Variants in HYAL4 observed in about 807,000 individuals in gnomAD.
The protein encoded by HYAL4 is hyaluronidase-4.
A neutral mutation model predicts 35.2 loss-of-function variants in HYAL4; 37 were observed. The observed-to-expected ratio is 1.05, with a 90% confidence interval of 0.81 to 1.38. The LOEUF is 1.38. HYAL4 is among the 40% of genes most tolerant of loss of function. The pLI is 0.00. For synonymous variants in HYAL4, 198 were observed against 203.2 expected (o/e 0.97, Z 0.22); for missense variants, 572 against 572.4 (o/e 1.00, Z 0.01).
At chr7:123,840,562 A>C (rs1206943339), upstream of HYAL4, among the ~76,000 whole-genome samples, 1 of 152,012 alleles carries the variant, frequency 6.6e-6, no homozygotes, top group Admixed American at 6.6e-5. Flanking sequence ...CATTGAATCT[A>C]TAAATTACTT....
At position 123,876,869 on chromosome 7, in the gene HYAL4, G is replaced by T; in HGVS notation, c.1160G>T (p.Cys387Phe). ...CACCTCTGCAGGAACAATGGCAGGT[G>T]CATAAGGAAGATGTGGAACGCGCCC... ...SLHLCRNNGR[C>F]IRKMWNAPSY... The change falls in exon 5 of 5, where the codon TGC becomes TTC. Residue 387 changes from cysteine to phenylalanine, a missense_variant. Transcript: ENST00000223026. 1 of 1,614,186 alleles carries T rather than the reference G, an allele frequency of 6.2e-7. No homozygotes were observed. The highest frequency in any genetic ancestry group is 8.5e-7 in the Non-Finnish European group (1 of 1,180,036).
At chr7:123,813,011 G>C in the HYAL4 span, among the ~76,000 whole-genome samples, 63 of 152,156 alleles carry the variant, frequency 4.1e-4, no homozygotes, top group African/African-American at 1.4e-3. Flanking sequence ...TAAAAATTCA[G>C]TGTACAGAGA....
chr7:123,824,232 A>C (rs1230372800), upstream of HYAL4, among the ~76,000 whole-genome samples: 3 of 152,182 alleles, frequency 2.0e-5, no homozygotes, highest in Admixed American at 6.5e-5. Context: ...CACTATTGAT[A>C]TATATAAAGC....
upstream of HYAL4, among the ~76,000 whole-genome samples, chr7:123,828,516 C>T (rs1366688792): frequency 6.6e-6 from 1 of 151,060 alleles, no homozygotes. Context: ...GTTATCTCTT[C>T]AGAGGTAGGG....
At chr7:123,782,685 A>T in the HYAL4 span, among the ~76,000 whole-genome samples, 1 of 151,644 alleles carries the variant, frequency 6.6e-6, no homozygotes, top group Non-Finnish European at 1.5e-5. Context: ...CTTTCATAAG[A>T]TCCTCATTGA....
At chr7:123,837,149 T>C (rs1277443293) in intron 1 of HYAL4, among the ~76,000 whole-genome samples, 2 of 152,240 alleles carry the variant, frequency 1.3e-5, no homozygotes, top group Admixed American at 1.3e-4. Context: ...AGACTATCTT[T>C]CCTTCATTTG....
At chr7:123,818,467 C>T in the HYAL4 span, among the ~76,000 whole-genome samples, 11 of 152,148 alleles carry the variant, frequency 7.2e-5, no homozygotes, top group Non-Finnish European at 1.6e-4. Flanking sequence ...GTTAAGGAAG[C>T]CTTCCCAGAC....
chr7:123,776,219 T>A, the HYAL4 span, among the ~76,000 whole-genome samples: 10,059 of 152,236 alleles, frequency 0.066, 423 homozygotes, highest in East Asian at 0.11. Context: ...AGGATAAGCC[T>A]AAGAAGAGCG....
the HYAL4 span, among the ~76,000 whole-genome samples, chr7:123,804,180 C>T: frequency 6.6e-6 from 1 of 152,158 alleles, no homozygotes; most frequent in African/African-American, 2.4e-5. Flanking sequence ...TAGCAAATGG[C>T]ATATATAGTG....
the HYAL4 span, among the ~76,000 whole-genome samples, chr7:123,804,400 A>C: frequency 1.6e-3 from 248 of 152,316 alleles, 2 homozygotes; most frequent in South Asian, 4.6e-3. Flanking sequence ...GGGAGGGAAA[A>C]GATTCTCATT....
At chr7:123,797,007 T>G in the HYAL4 span, among the ~76,000 whole-genome samples, 5 of 152,244 alleles carry the variant, frequency 3.3e-5, no homozygotes, top group Non-Finnish European at 7.3e-5. Context: ...GAGTCTGTGC[T>G]CTCAATTTCT....
chr7:123,830,838 C>T (rs770923922), intron 1 of HYAL4, among the ~76,000 whole-genome samples: 2 of 151,958 alleles, frequency 1.3e-5, no homozygotes, highest in Non-Finnish European at 2.9e-5. Flanking sequence ...AGCTAATTTT[C>T]ACTGTTCAGT....
intron 2 of HYAL4, among the ~76,000 whole-genome samples, chr7:123,854,796 G>A (rs1806393419): frequency 6.6e-6 from 1 of 152,102 alleles, no homozygotes; most frequent in Admixed American, 6.6e-5. Flanking sequence ...CTGTCTCGTT[G>A]ATCTGTCTAA....
intron 2 of HYAL4, among the ~76,000 whole-genome samples, chr7:123,858,357 A>G (rs143157051): frequency 7.9e-4 from 120 of 152,300 alleles, no homozygotes; most frequent in Admixed American, 3.6e-3. Flanking sequence ...GAAGATTGAC[A>G]GAGATATTTT....
chr7:123,803,656 T>A, the HYAL4 span, among the ~76,000 whole-genome samples: 1 of 152,242 alleles, frequency 6.6e-6, no homozygotes, highest in Non-Finnish European at 1.5e-5. Context: ...TTTCCTCCTT[T>A]GCATCAACCA....
At chr7:123,838,473 A>G (rs771560607) in intron 1 of HYAL4, among the ~76,000 whole-genome samples, 1 of 152,088 alleles carries the variant, frequency 6.6e-6, no homozygotes, top group Non-Finnish European at 1.5e-5. Flanking sequence ...TTCTACCATT[A>G]TACTGCCCAT....
At chr7:123,838,368 C>G (rs936374215) in intron 1 of HYAL4, among the ~76,000 whole-genome samples, 1 of 149,180 alleles carries the variant, frequency 6.7e-6, no homozygotes, top group Non-Finnish European at 1.5e-5. Flanking sequence ...CAATGAAAAA[C>G]TACTATTACA....
At chr7:123,875,296 G>T in intron 4 of HYAL4, among the ~76,000 whole-genome samples, 1 of 152,090 alleles carries the variant, frequency 6.6e-6, no homozygotes, top group South Asian at 2.1e-4. Context: ...AGAAACAGGT[G>T]GTAACTTTTT....
intron 1 of HYAL4, among the ~76,000 whole-genome samples, chr7:123,846,625 A>C (rs888178169): frequency 2.0e-5 from 3 of 152,180 alleles, no homozygotes. Context: ...TGGAGTCTGC[A>C]TACCAGATTC....
Sources: gnomAD v4.1 joint callset for allele counts (sites outside exome capture counted in the v4.1 genomes callset) on GRCh38, gnomAD v4.1.1 for gene constraint, MANE v1.5 for transcripts, NCBI Gene and HGNC (gene_info 2026-07-23, HGNC 2026-07-21) for gene names.